Variants in ERV3-1 observed in about 807,000 individuals in gnomAD.
The protein encoded by ERV3-1 is endogenous retrovirus group 3 member 1, envelope.
ERV3-1 carries 36 observed loss-of-function variants against 24.6 expected under a neutral mutation model. The ratio of observed to expected loss-of-function variants is 1.47; its 90% CI spans 1.12 to 1.94. ERV3-1 has a LOEUF of 1.94. ERV3-1 is among the 30% of genes most tolerant of loss of function. The pLI is 0.00. For synonymous variants in ERV3-1, 211 were observed against 122.6 expected (o/e 1.72, Z -4.76); for missense variants, 578 against 330.9 (o/e 1.75, Z -5.79).
In ERV3-1 at chr7:65,006,647, C is replaced by G. The variant is rs1446876651; in HGVS notation, c.-495G>C. The G allele has an allele frequency of 2.0e-6, 3 of 1,527,214 alleles. No homozygotes were observed. The highest frequency in any genetic ancestry group is 1.4e-5 in the African/African-American group (1 of 73,246). 94.6% of individuals were successfully genotyped at this position (1,527,214 alleles called of 1,614,324 possible). On this transcript the variant is annotated 5_prime_UTR_variant, in exon 1 of 2. Coordinates refer to ENST00000394323, the MANE Select transcript of ERV3-1 (RefSeq NM_001007253.4). ...GCCTCTAGGAGCAGAAGACACAGAGCAGTGAAGACTACACCAGAAGCTCCG... is the reference window on the plus strand; with the variant it reads ...GCCTCTAGGAGCAGAAGACACAGAGGAGTGAAGACTACACCAGAAGCTCCG...
intron 1 of ERV3-1, chr7:65,004,601 G>C (rs765499516): frequency 1.3e-5 from 2 of 152,134 alleles, no homozygotes; most frequent in Non-Finnish European, 2.9e-5. Flanking sequence ...GCAAGTTACA[G>C]TTAAAAAACT....
In ERV3-1 at chr7:64,991,467, T is replaced by C. The variant is rs140328853; in HGVS notation, c.1560A>G (p.Ala520=). The C allele has an allele frequency of 1.0e-3, 718 of 704,200 alleles. 4 individuals carry two copies. The African/African-American group carries it at 0.011, about 10-fold the overall frequency. The allele number at this position is 704,200 out of a possible 1,614,324, so 43.6% of individuals were successfully genotyped here. The change falls in exon 2 of 2, where the codon GCA becomes GCG. Residue 520 remains alanine, a synonymous_variant. Transcript: ENST00000394323. ...TTTCATTGGTAATGATTTCTAGTAC[T>C]GCCTGCAATCTTATAATGCGGTTAA... The part of the protein sequence containing the change: ...YMLNRIIRLQ[A]VLEIITNETA...
chr7:64,991,723 CCT>C lies in ERV3-1; in HGVS notation c.1302_1303del (p.Ala436LeufsTer7), dbSNP rs1786271102. ...CCTAATTGTCCCCAGTACACAGGCC[CCT>C]GACCATTTAGCTGGCAGTTGTCGAT... On this transcript the variant is annotated frameshift_variant, in exon 2 of 2. Transcript: ENST00000394323. LOFTEE classifies it high-confidence loss of function. The C allele has an allele frequency of 1.3e-6, 1 of 763,716 alleles. No individual in the cohort carries two copies. The highest frequency in any genetic ancestry group is 1.7e-5 in the African/African-American group (1 of 59,210). The allele number at this position is 763,716 out of a possible 1,614,324, so 47.3% of individuals were successfully genotyped here. A position where few individuals can be genotyped will look rare whatever the true frequency, so the allele number is the denominator to read the frequency against.
intron 1 of ERV3-1, among the ~76,000 whole-genome samples, chr7:64,999,209 A>G (rs1432706049): frequency 2.0e-5 from 3 of 152,032 alleles, no homozygotes; most frequent in Admixed American, 1.3e-4. Context: ...GTCATGGGAG[A>G]GCCAATCTCC....
intron 1 of ERV3-1, among the ~76,000 whole-genome samples, chr7:65,001,681 A>T (rs1786527269): frequency 6.6e-6 from 1 of 152,204 alleles, no homozygotes. Context: ...ACAGGAGAGC[A>T]GAGTCTCTCA....
intron 1 of ERV3-1, among the ~76,000 whole-genome samples, chr7:65,002,928 CTT>C (rs549795364): frequency 1.6e-3 from 240 of 152,298 alleles, no homozygotes; most frequent in Non-Finnish European, 2.9e-3. Flanking sequence ...TTGCAACACT[CTT>C]TTAGAATTCA....
chr7:65,005,436 C>A (rs547998918), intron 1 of ERV3-1, among the ~76,000 whole-genome samples: 70 of 152,298 alleles, frequency 4.6e-4, no homozygotes, highest in South Asian at 1.2e-3. Flanking sequence ...GGGGATTATT[C>A]TTTGCTTTCT....
At chr7:65,001,847 C>A (rs907430509) in intron 1 of ERV3-1, among the ~76,000 whole-genome samples, 1 of 152,188 alleles carries the variant, frequency 6.6e-6, no homozygotes, top group Non-Finnish European at 1.5e-5. Flanking sequence ...TCAGCACAGA[C>A]CCTGATCCAG....
At chr7:64,999,607 TCTTA>T (rs373688695) in intron 1 of ERV3-1, among the ~76,000 whole-genome samples, 22 of 152,334 alleles carry the variant, frequency 1.4e-4, no homozygotes, top group African/African-American at 5.1e-4. Flanking sequence ...CATGACCCTA[TCTTA>T]CTTAAGCATG....
At position 64,999,621 on chromosome 7, in the gene ERV3-1, G is replaced by C. The variant is rs1786476651; in HGVS notation, c.-388-6207C>G. 3.3e-5 allele frequency among the ~76,000 whole-genome samples: 5 copies of C among 152,336 alleles called. No individual in the cohort carries two copies. In the South Asian group the frequency reaches 1.0e-3, roughly 32 times the overall value. On this transcript the variant is annotated intron_variant, in intron 1 of 1. Coordinates refer to ENST00000394323, the MANE Select transcript of ERV3-1 (RefSeq NM_001007253.4). The stretch of plus-strand genomic sequence containing the variant: ...ACATGACCCTATCTTACTTAAGCAT[G>C]TCTTGTGACCTTGCCGTGCTACAGA...
intron 1 of ERV3-1, among the ~76,000 whole-genome samples, chr7:64,997,782 A>G (rs1289047140): frequency 1.3e-5 from 2 of 152,152 alleles, no homozygotes; most frequent in Non-Finnish European, 2.9e-5. Flanking sequence ...TGTCTGAAAA[A>G]TGGACTGCAT....
At chr7:65,000,655 T>C (rs191284682) in intron 1 of ERV3-1, among the ~76,000 whole-genome samples, 3 of 152,234 alleles carry the variant, frequency 2.0e-5, no homozygotes, top group East Asian at 3.9e-4. Flanking sequence ...CATAATGGTA[T>C]GCACCTGCAG....
chr7:64,997,073 G>A (rs749845569), intron 1 of ERV3-1, among the ~76,000 whole-genome samples: 45 of 151,992 alleles, frequency 3.0e-4, no homozygotes, highest in Non-Finnish European at 4.4e-4. Context: ...TTTGCATTGC[G>A]CACATTGATT....
chr7:65,003,915 C>T (rs1184532776), intron 1 of ERV3-1: 1 of 152,156 alleles, frequency 6.6e-6, no homozygotes, highest in Non-Finnish European at 1.5e-5. Context: ...GAATGTAACT[C>T]ACCAATTATC....
rs1786309819 is a variant in ERV3-1, at chr7:64,992,827, G to A, written c.200C>T (p.Thr67Ile). Residue 67 changes from threonine (T) to isoleucine (I), a missense_variant, in exon 2 of 2, where the codon ACC becomes ATC. Coordinates refer to ENST00000394323, the MANE Select transcript of ERV3-1 (RefSeq NM_001007253.4). Reference sequence around the variant, plus strand: ...CCTTCCTGGGTCACAGACTGAGTAGGTTGTCTGGTTGTGAGTACAAGTTCC... The same window carrying A: ...CCTTCCTGGGTCACAGACTGAGTAGATTGTCTGGTTGTGAGTACAAGTTCC... ...CLGTCTHNQTTYSVCDPGRGQ... is the reference protein window; with the variant it reads ...CLGTCTHNQTIYSVCDPGRGQ... The A allele has an allele frequency of 2.6e-6, 2 of 766,434 alleles. No homozygotes were observed. The highest frequency in any genetic ancestry group is 4.8e-6 in the Non-Finnish European group (2 of 417,906). 47.5% of individuals were successfully genotyped at this position (766,434 alleles called of 1,614,324 possible). A position where few individuals can be genotyped will look rare whatever the true frequency, so the allele number is the denominator to read the frequency against.
At position 64,992,622 on chromosome 7, in the gene ERV3-1, T is replaced by C; in HGVS notation, c.405A>G (p.Val135=). ...QIVSMGSLFP[V]IFSSMEYYSS... is the part of the protein sequence containing the mutation. ...TATAGTACTCCATGGAACTGAAGATTACGGGAAAGAGTGAGCCCATGGATA... is the reference window on the plus strand; with the variant it reads ...TATAGTACTCCATGGAACTGAAGATCACGGGAAAGAGTGAGCCCATGGATA... Residue 135 remains valine (V), a synonymous_variant, in exon 2 of 2, where the codon GTA becomes GTG. Transcript: ENST00000394323. The C allele has an allele frequency of 1.3e-6, 1 of 766,362 alleles. No homozygotes were observed. Among genetic ancestry groups the C allele is most frequent in the Non-Finnish European group, 2.4e-6 (1 of 417,904 alleles). 47.5% of individuals were successfully genotyped at this position (766,362 alleles called of 1,614,324 possible).
Position 65,006,666 on chromosome 7 carries a change from A to G in ERV3-1, c.-514T>C, listed in dbSNP as rs1178675579. 1 of 1,499,150 alleles carries G rather than the reference A, an allele frequency of 6.7e-7. No individual in the cohort carries two copies. The highest frequency in any genetic ancestry group is 9.2e-7 in the Non-Finnish European group (1 of 1,081,444). The allele number at this position is 1,499,150 out of a possible 1,614,324, so 92.9% of individuals were successfully genotyped here. A position where few individuals can be genotyped will look rare whatever the true frequency, so the allele number is the denominator to read the frequency against. On this transcript the variant is annotated 5_prime_UTR_variant, in exon 1 of 2. Transcript: ENST00000394323. ...ACAGAGCAGTGAAGACTACACCAGA[A>G]GCTCCGGCTGCCGCCAGAGACAAAG...
chr7:64,997,254 G>GT (rs1328213275), intron 1 of ERV3-1, among the ~76,000 whole-genome samples: 1 of 152,134 alleles, frequency 6.6e-6, no homozygotes, highest in Non-Finnish European at 1.5e-5. Flanking sequence ...CCTGGTTACG[G>GT]TTAACATACA....
intron 1 of ERV3-1, among the ~76,000 whole-genome samples, chr7:64,996,449 T>C (rs1786409725): frequency 1.3e-5 from 2 of 152,306 alleles, no homozygotes; most frequent in African/African-American, 4.8e-5. Flanking sequence ...GCCTAAATAA[T>C]AATTTCTCTT....
Sources: gnomAD v4.1 joint callset for allele counts (sites outside exome capture counted in the v4.1 genomes callset) on GRCh38, gnomAD v4.1.1 for gene constraint, MANE v1.5 for transcripts, NCBI Gene and HGNC (gene_info 2026-07-23, HGNC 2026-07-21) for gene names.